The following PUDP variants were observed in gnomAD, a reference collection of about 807,000 sequenced individuals.
PUDP encodes the protein pseudouridine-5'-phosphatase.
A neutral mutation model predicts 9.4 loss-of-function variants in PUDP; 8 were observed. That is an observed-to-expected ratio of 0.85 (90% CI 0.50 to 1.53). The LOEUF (loss-of-function observed/expected upper bound fraction) is 1.53. PUDP is among the 40% of genes most tolerant of loss of function. The pLI, the probability that PUDP is intolerant of heterozygous loss-of-function variation, is 0.00. For missense variants in PUDP, 188 were observed against 189.7 expected, an observed-to-expected ratio of 0.99 and a Z score of 0.05; for synonymous variants, 99 against 80.7, an observed-to-expected ratio of 1.23 and a Z score of -1.22.
At chrX:6,717,055 C>T (rs189808707) in intron 1 of PUDP, among the ~76,000 whole-genome samples, 1 of 111,855 alleles carries the variant, frequency 8.9e-6, no homozygotes, top group Admixed American at 9.5e-5. Context: ...GGGCATGAGC[C>T]ACTGTGCCTG....
chrX:7,144,448 C>T (rs1033211662), intron 1 of PUDP, among the ~76,000 whole-genome samples: 6 of 112,166 alleles, frequency 5.3e-5, no homozygotes, highest in Non-Finnish European at 1.9e-5. Context: ...AACACACTCA[C>T]GCTATGTCTG....
At chrX:6,792,637 T>A (rs181230446) in intron 3 of PUDP, among the ~76,000 whole-genome samples, 36 of 111,880 alleles carry the variant, frequency 3.2e-4, no homozygotes, top group Admixed American at 3.1e-3. Context: ...TCCTATTAGA[T>A]CCCACCGCCT....
chrX:7,100,874 C>T (rs758928143), intron 2 of PUDP, among the ~76,000 whole-genome samples: 5 of 112,181 alleles, frequency 4.5e-5, no homozygotes, highest in African/African-American at 1.6e-4. Flanking sequence ...CTGCTCTATA[C>T]ATTCAGTCCA....
At chrX:7,085,049 G>T (rs1931223031) in intron 2 of PUDP, 1 of 111,897 alleles carries the variant, frequency 8.9e-6, no homozygotes, top group Non-Finnish European at 1.9e-5. Flanking sequence ...TCCAGCAGAC[G>T]TCGCTGTTGT....
At chrX:7,130,673 G>A (rs1932597056) in intron 1 of PUDP, among the ~76,000 whole-genome samples, 1 of 110,069 alleles carries the variant, frequency 9.1e-6, no homozygotes. Flanking sequence ...AATTAGCCGG[G>A]TGCACGGCTC....
chrX:6,876,639 A>ATGTATG, intron 3 of PUDP, among the ~76,000 whole-genome samples: 1 of 92,799 alleles, frequency 1.1e-5, no homozygotes, highest in South Asian at 6.1e-4. Context: ...CTAAAATGTT[A>ATGTATG]TGTGTGTGTG....
intron 3 of PUDP, among the ~76,000 whole-genome samples, chrX:6,884,970 G>C (rs1002443609): frequency 1.8e-5 from 2 of 111,707 alleles, no homozygotes; most frequent in Non-Finnish European, 3.8e-5. Flanking sequence ...AAAAATCTAG[G>C]ATGAAGGAGA....
chrX:6,789,933 TAGAGA>T (rs1925714469), intron 3 of PUDP, among the ~76,000 whole-genome samples: 1 of 107,693 alleles, frequency 9.3e-6, no homozygotes, highest in Non-Finnish European at 1.9e-5. Context: ...AGATGATAGA[TAGAGA>T]AGATAGAACA....
At chrX:7,084,974 CAG>C (rs1333304991) in intron 2 of PUDP, 1 of 112,268 alleles carries the variant, frequency 8.9e-6, no homozygotes, top group Non-Finnish European at 1.9e-5. Context: ...TTACACAAGA[CAG>C]ACCTGTTACT....
intron 1 of PUDP, among the ~76,000 whole-genome samples, chrX:7,001,820 T>C (rs1416260909): frequency 8.9e-6 from 1 of 111,995 alleles, no homozygotes; most frequent in Admixed American, 9.5e-5. Context: ...AAAATCCAGA[T>C]GATTGAAAAA....
intron 3 of PUDP, among the ~76,000 whole-genome samples, chrX:7,069,353 G>A (rs1461650973): frequency 4.5e-5 from 5 of 111,432 alleles, no homozygotes; most frequent in Non-Finnish European, 9.4e-5. Flanking sequence ...GAGGTCATCT[G>A]GGAGAGCAAG....
At chrX:6,983,172 G>A (rs1175810832) in intron 1 of PUDP, among the ~76,000 whole-genome samples, 2 of 112,142 alleles carry the variant, frequency 1.8e-5, no homozygotes, top group African/African-American at 6.5e-5. Flanking sequence ...TAGAGAAAGA[G>A]TAATTCACAC....
chrX:6,978,486 G>T (rs1461138155), intron 1 of PUDP, among the ~76,000 whole-genome samples: 1 of 112,040 alleles, frequency 8.9e-6, no homozygotes, highest in Non-Finnish European at 1.9e-5. Flanking sequence ...TTTAATACAT[G>T]TGTATCGTTG....
chrX:7,048,484 G>A (rs1262062222), downstream of PUDP, among the ~76,000 whole-genome samples: 1 of 112,350 alleles, frequency 8.9e-6, no homozygotes, highest in Non-Finnish European at 1.9e-5. Context: ...GAACGTATGT[G>A]CTTTGGCCAA....
At chrX:6,840,492 T>C (rs1926650671) in intron 3 of PUDP, among the ~76,000 whole-genome samples, 2 of 112,132 alleles carry the variant, frequency 1.8e-5, no homozygotes, top group Non-Finnish European at 3.8e-5. Flanking sequence ...AATAAACCAG[T>C]CTGAGAAGGC....
chrX:6,710,658 C>T (rs1462550725), intron 1 of PUDP, among the ~76,000 whole-genome samples: 1 of 112,018 alleles, frequency 8.9e-6, no homozygotes, highest in South Asian at 3.7e-4. Context: ...GGATGTCAGA[C>T]GTGCCATTCC....
intron 3 of PUDP, among the ~76,000 whole-genome samples, chrX:6,916,065 T>C (rs1407994450): frequency 9.0e-6 from 1 of 110,741 alleles, no homozygotes; most frequent in Non-Finnish European, 1.9e-5. Context: ...CCAGTGTCTA[T>C]CCTTCCTTCA....
intron 3 of PUDP, among the ~76,000 whole-genome samples, chrX:6,848,347 C>A (rs1926778723): frequency 8.9e-6 from 1 of 111,877 alleles, no homozygotes; most frequent in Non-Finnish European, 1.9e-5. Flanking sequence ...AAGTTATCCA[C>A]CATCAGGCAA....
chrX:7,126,735 T>TATATTAC (rs1411485648), intron 1 of PUDP, among the ~76,000 whole-genome samples: 17 of 111,564 alleles, frequency 1.5e-4, no homozygotes, highest in Non-Finnish European at 2.6e-4. Flanking sequence ...TCTGAGGTCC[T>TATATTAC]GGGGTTAGGC....
Sources: gnomAD v4.1 joint callset for allele counts (sites outside exome capture counted in the v4.1 genomes callset) on GRCh38, gnomAD v4.1.1 for gene constraint, MANE v1.5 for transcripts, NCBI Gene and HGNC (gene_info 2026-07-23, HGNC 2026-07-21) for gene names.